The following CC2D2A variants were observed in gnomAD, a reference collection of about 807,000 sequenced individuals.
The protein encoded by CC2D2A is coiled-coil and C2 domain containing 2A, also known as coiled-coil and C2 domain-containing protein 2A.
A neutral mutation model predicts 212.9 loss-of-function variants in CC2D2A; 155 were observed. The ratio of observed to expected loss-of-function variants is 0.73; its 90% CI spans 0.64 to 0.83. The LOEUF (loss-of-function observed/expected upper bound fraction) is 0.83. Among genes scored for constraint, CC2D2A ranks in the 40% least tolerant of loss-of-function variants. The pLI, the probability that CC2D2A is intolerant of heterozygous loss-of-function variation, is 0.00. For missense variants in CC2D2A, 1,856 were observed against 1,956.2 expected (o/e 0.95, Z 0.97); for synonymous variants, 667 against 686.5 (o/e 0.97, Z 0.44).
chr4:15,543,295 G>A (rs1474309013), intron 17 of CC2D2A, among the ~76,000 whole-genome samples: 6 of 151,878 alleles, frequency 4.0e-5, no homozygotes, highest in African/African-American at 1.2e-4. Context: ...AAAGTGCCAC[G>A]TAATTTTTTT....
intron 29 of CC2D2A, among the ~76,000 whole-genome samples, chr4:15,575,532 T>G (rs1720366564): frequency 6.6e-6 from 1 of 152,310 alleles, no homozygotes; most frequent in African/African-American, 2.4e-5. Flanking sequence ...CTTACTCTAG[T>G]CTATCCATTA....
At chr4:15,558,146 G>A (rs1473419864) in intron 21 of CC2D2A, among the ~76,000 whole-genome samples, 2 of 152,178 alleles carry the variant, frequency 1.3e-5, no homozygotes, top group Non-Finnish European at 2.9e-5. Flanking sequence ...CCAGATGCAT[G>A]CACTTTTTTT....
chr4:15,567,351 T>C, intron 24 of CC2D2A, 26 bp from the exon 25 acceptor site: 1 of 1,510,694 alleles, frequency 6.6e-7, no homozygotes, highest in Non-Finnish European at 9.2e-7. Flanking sequence ...CTATCATTAA[T>C]TTCCTTCATA....
chr4:15,585,996 G>A (rs1387797262), intron 30 of CC2D2A, among the ~76,000 whole-genome samples, 161 bp from the exon 31 acceptor site: 1 of 152,234 alleles, frequency 6.6e-6, no homozygotes, highest in Non-Finnish European at 1.5e-5. Flanking sequence ...CATATAGGAT[G>A]TTTGGTGAGG....
At position 15,589,639 on chromosome 4, in the gene CC2D2A, G is replaced by C; in HGVS notation, c.4274G>C (p.Cys1425Ser). Residue 1425 changes from cysteine to serine, a missense_variant, in exon 33 of 37, where the codon TGT (cysteine) becomes TCT (serine). Coordinates refer to ENST00000424120, the MANE Select transcript of CC2D2A (RefSeq NM_001378615.1). ...TTTTATGGACAATTTGATACATTCT[G>C]TCCCTTGAAAAATGTGGGCTGTTTA... ...GHFYGQFDTFCPLKNVGCLIG... is the reference protein window; with the variant it reads ...GHFYGQFDTFSPLKNVGCLIG... The C allele has an allele frequency of 6.2e-7, 1 of 1,602,528 alleles. No individual in the cohort carries two copies. Among genetic ancestry groups the C allele is most frequent in the South Asian group, 1.1e-5 (1 of 88,916 alleles).
intron 24 of CC2D2A, chr4:15,564,183 T>C (rs1719766410): frequency 6.6e-6 from 1 of 152,282 alleles, no homozygotes; most frequent in African/African-American, 2.4e-5. Context: ...CCTTCAGCCA[T>C]TGGGAAGATG....
rs1016233369 is a variant in CC2D2A, at chr4:15,541,031, T to G, written c.2181+17T>G. 3.3e-6 allele frequency: 5 copies of G among 1,517,774 alleles called. No individual in the cohort carries two copies. Among genetic ancestry groups the G allele is most frequent in the Non-Finnish European group, 4.4e-6 (5 of 1,127,806 alleles). 94.0% of individuals were successfully genotyped at this position (1,517,774 alleles called of 1,614,324 possible). A position where few individuals can be genotyped will look rare whatever the true frequency, so the allele number is the denominator to read the frequency against. ...ACACTTCAGGTACACATTTTAATTA[T>G]AGTTACTGGCCGGGCACTGTGGCTC... On this transcript the variant is annotated intron_variant, in intron 17 of 36. Coordinates refer to ENST00000424120, the MANE Select transcript of CC2D2A (RefSeq NM_001378615.1).
At chr4:15,556,461 TAA>T (rs1719286242) in intron 20 of CC2D2A, among the ~76,000 whole-genome samples, 1 of 152,252 alleles carries the variant, frequency 6.6e-6, no homozygotes, top group African/African-American at 2.4e-5. Context: ...CTATTCCATG[TAA>T]AGTTTTCAAA....
At chr4:15,580,290 T>G in intron 30 of CC2D2A, 119 bp downstream of exon 30, 1 of 759,522 alleles carries the variant, frequency 1.3e-6, no homozygotes, top group African/African-American at 1.8e-5. Context: ...AGATCATTAA[T>G]GACAAAAGTA....
intron 11 of CC2D2A, among the ~76,000 whole-genome samples, chr4:15,516,994 T>C (rs2109014197): frequency 7.0e-6 from 1 of 142,282 alleles, no homozygotes; most frequent in Non-Finnish European, 1.5e-5. Context: ...GTCGCCCAGG[T>C]TGGAGTGCAG....
chr4:15,497,360 C>T (rs1389911420), intron 4 of CC2D2A, among the ~76,000 whole-genome samples: 1 of 152,106 alleles, frequency 6.6e-6, no homozygotes, highest in African/African-American at 2.4e-5. Flanking sequence ...ATAGTCTATC[C>T]TGGAATTTTG....
At chr4:15,529,358 G>A (rs1717691236) in intron 13 of CC2D2A, among the ~76,000 whole-genome samples, 1 of 151,672 alleles carries the variant, frequency 6.6e-6, no homozygotes, top group Admixed American at 6.6e-5. Flanking sequence ...CTCCAGCCTG[G>A]GTAACAGAGT....
intron 11 of CC2D2A, among the ~76,000 whole-genome samples, chr4:15,526,798 A>G (rs1717533650): frequency 6.6e-6 from 1 of 152,222 alleles, no homozygotes; most frequent in Non-Finnish European, 1.5e-5. Flanking sequence ...AAGGAAGAAA[A>G]GCAAAGAGAT....
chr4:15,499,617 G>T (rs1041983338), intron 4 of CC2D2A, among the ~76,000 whole-genome samples: 1 of 152,044 alleles, frequency 6.6e-6, no homozygotes, highest in African/African-American at 2.4e-5. Context: ...TCATAAAATT[G>T]TTCTAGTAAA....
intron 13 of CC2D2A, among the ~76,000 whole-genome samples, chr4:15,531,885 G>T (rs929293207): frequency 1.2e-4 from 19 of 152,148 alleles, no homozygotes; most frequent in African/African-American, 4.6e-4. Context: ...GGTGATAACA[G>T]CTAAAGGCAT....
intron 1 of CC2D2A, among the ~76,000 whole-genome samples, chr4:15,475,633 C>T (rs1289824956): frequency 6.6e-6 from 1 of 152,086 alleles, no homozygotes; most frequent in Non-Finnish European, 1.5e-5. Context: ...CGGAGATGAG[C>T]TGTAAAATGG....
At chr4:15,596,853 C>T (rs142375872) in intron 34 of CC2D2A, among the ~76,000 whole-genome samples, 1 of 152,206 alleles carries the variant, frequency 6.6e-6, no homozygotes, top group Non-Finnish European at 1.5e-5. Context: ...AATTATGTAA[C>T]ACGATGGAAT....
chr4:15,524,447 ATTTTTTT>A (rs71179636), intron 11 of CC2D2A, among the ~76,000 whole-genome samples: 1 of 89,970 alleles, frequency 1.1e-5, no homozygotes, highest in African/African-American at 4.6e-5. Context: ...AAAATTTTTA[ATTTTTTT>A]TTTTTTTTTT....
chr4:15,569,200 C>A (rs577626144), intron 26 of CC2D2A, 93 bp from the exon 27 acceptor site: 1 of 691,458 alleles, frequency 1.4e-6, no homozygotes, highest in Admixed American at 2.3e-5. Flanking sequence ...CATCTATGCT[C>A]ATATTTGGGT....
Sources: allele counts gnomAD v4.1 joint callset (sites outside exome capture counted in the v4.1 genomes callset), GRCh38; gene constraint gnomAD v4.1.1; transcripts MANE v1.5; gene names NCBI Gene and HGNC (gene_info 2026-07-23, HGNC 2026-07-21).